Variants in IQGAP3 observed in about 807,000 individuals in gnomAD.
IQGAP3 encodes IQ motif containing GTPase activating protein 3.
IQGAP3 carries 165 observed loss-of-function variants against 208.2 expected under a neutral mutation model. The observed-to-expected ratio is 0.79, with a 90% CI of 0.70 to 0.90. IQGAP3 has a LOEUF of 0.90. IQGAP3 is among the 40% of genes least tolerant of loss of function. The pLI is 0.00. For missense variants in IQGAP3, 1,811 were observed against 2,043.1 expected (o/e 0.89, Z 2.19); for synonymous variants, 703 against 803.6 (o/e 0.87, Z 2.12).
At chr1:156,539,600 AG>A in intron 24 of IQGAP3, 63 bp from the exon 25 acceptor site, 1 of 1,539,208 alleles carries the variant, frequency 6.5e-7, no homozygotes, top group Non-Finnish European at 8.9e-7. Flanking sequence ...TGATAGGATA[AG>A]GAAAGGCTTT....
intron 1 of IQGAP3, among the ~76,000 whole-genome samples, chr1:156,571,493 A>ATGT (rs1272727069): frequency 1.3e-5 from 2 of 152,222 alleles, no homozygotes; most frequent in Non-Finnish European, 2.9e-5. Context: ...CTCCAAATAC[A>ATGT]GATTTGAAAA....
At chr1:156,551,134 C>T (rs1675526034) in intron 15 of IQGAP3, among the ~76,000 whole-genome samples, 1 of 152,194 alleles carries the variant, frequency 6.6e-6, no homozygotes, top group Non-Finnish European at 1.5e-5. Context: ...CATATTATCT[C>T]ACTTACACCC....
Position 156,538,939 on chromosome 1 carries a change from C to T in IQGAP3, c.3151G>A (p.Ala1051Thr). 1 of 1,614,160 alleles carries T rather than the reference C, an allele frequency of 6.2e-7. No homozygotes were observed. Among genetic ancestry groups the T allele is most frequent in the Non-Finnish European group, 8.5e-7 (1 of 1,180,012 alleles). The change falls in exon 26 of 38, where the codon GCC (alanine) becomes ACC (threonine). Residue 1051 changes from alanine (A) to threonine (T), a missense_variant. Ala to Thr is a moderately conservative substitution (Grantham distance 58). Transcript: ENST00000361170. ...RFYRNGRGQSALQEILGKVIQ... is the reference protein window; with the variant it reads ...RFYRNGRGQSTLQEILGKVIQ... ...ACCTTGCCCAGAATCTCCTGCAGGG[C>T]ACTCTGTCCCCGCCCATTACGGTAG...
At chr1:156,536,997 C>T in intron 27 of IQGAP3, 184 bp downstream of exon 27, 5 of 569,278 alleles carry the variant, frequency 8.8e-6, no homozygotes, top group Non-Finnish European at 1.5e-5. Context: ...CGTCTCTCAG[C>T]TCAGCTCTCT....
chr1:156,554,821 C>A (rs546993123), intron 12 of IQGAP3, among the ~76,000 whole-genome samples: 39 of 152,238 alleles, frequency 2.6e-4, no homozygotes, highest in African/African-American at 8.9e-4. Context: ...ACTTTGGAGG[C>A]CAAGGTGGAC....
Position 156,563,070 on chromosome 1 carries a change from G to A in IQGAP3, c.798+64C>T, listed in dbSNP as rs1571360789. On this transcript the variant is annotated intron_variant, in intron 8 of 37. Coordinates refer to ENST00000361170, the MANE Select transcript of IQGAP3 (RefSeq NM_178229.5). ...AGAGACATGACAGATAGGAGTCCCG[G>A]TTTCACTTGAGACTTTCCAGCCACT... 4 of 1,403,274 alleles carry A rather than the reference G, an allele frequency of 2.9e-6. No individual in the cohort carries two copies. The Admixed American group carries it at 9.0e-5, about 32-fold the overall frequency. The allele number at this position is 1,403,274 out of a possible 1,614,324, so 86.9% of individuals were successfully genotyped here. A position where few individuals can be genotyped will look rare whatever the true frequency, so the allele number is the denominator to read the frequency against.
In IQGAP3 at chr1:156,535,183, T is replaced by A. The variant is rs201252352; in HGVS notation, c.3487A>T (p.Thr1163Ser). ...CTTGCCTTATAGACCTCGCTGTCTG[T>A]GGCGTCAGGGAATTTCTCTGCCAGA... Reference protein sequence around the residue: ...ATLAEKFPDATDSEVYKVVGN... With the variant: ...ATLAEKFPDASDSEVYKVVGN... Residue 1163 changes from threonine (T) to serine (S), a missense_variant, in exon 28 of 38, where the codon ACA becomes TCA. By Grantham distance (58) the Thr-to-Ser change is moderately conservative. Coordinates refer to ENST00000361170, the MANE Select transcript of IQGAP3 (RefSeq NM_178229.5). 6.2e-7 allele frequency: 1 copy of A among 1,613,570 alleles called. No individual in the cohort carries two copies. The highest frequency in any genetic ancestry group is 1.3e-5 in the African/African-American group (1 of 75,002).
intron 32 of IQGAP3, among the ~76,000 whole-genome samples, chr1:156,532,763 T>C (rs571788705): frequency 2.0e-5 from 3 of 152,074 alleles, no homozygotes; most frequent in Non-Finnish European, 4.4e-5. Flanking sequence ...CACCATTCCT[T>C]TACTTTCAGT....
At chr1:156,547,075 A>T (rs1286463550) in intron 19 of IQGAP3, among the ~76,000 whole-genome samples, 1 of 152,170 alleles carries the variant, frequency 6.6e-6, no homozygotes, top group African/African-American at 2.4e-5. Context: ...CCTCCAGATC[A>T]CATCTGCCTG....
Position 156,533,853 on chromosome 1 carries a change from C to A in IQGAP3, c.3896G>T (p.Cys1299Phe). The A allele has an allele frequency of 6.2e-7, 1 of 1,611,482 alleles. No individual in the cohort carries two copies. The part of the protein sequence containing the change: ...THRLLLEHQD[C>F]IAPDHQDPLH... The stretch of plus-strand genomic sequence containing the variant: ...GGGGTCTTGGTGATCAGGGGCAATG[C>A]AGTCCTGGTGCTCCAGCAACAGCTG... Residue 1299 changes from cysteine to phenylalanine, a missense_variant, in exon 31 of 38, where the codon TGC becomes TTC. Transcript: ENST00000361170.
In IQGAP3 at chr1:156,551,728, C is replaced by A. The variant is rs776809867; in HGVS notation, c.1711G>T (p.Ala571Ser). 22 of 1,612,150 alleles carry A rather than the reference C, an allele frequency of 1.4e-5. No homozygotes were observed. The Admixed American group carries it at 3.7e-4, about 27-fold the overall frequency. Residue 571 changes from alanine to serine, a missense_variant, in exon 15 of 38, where the codon GCA becomes TCA. By Grantham distance (99) the Ala-to-Ser change is moderately conservative (BLOSUM62 1). Transcript: ENST00000361170. ...ACCTGGGCCTTCTGCCTTTTGGCTG[C>A]CACAAGGAGGAGATGGTACCGAGGG... ...VAPRYHLLLVAAKRQKAQVTG... is the reference protein window; with the variant it reads ...VAPRYHLLLVSAKRQKAQVTG...
chr1:156,546,543 T>C (rs1259822786), intron 19 of IQGAP3, among the ~76,000 whole-genome samples: 1 of 152,218 alleles, frequency 6.6e-6, no homozygotes, highest in Non-Finnish European at 1.5e-5. Context: ...TATTGAGTTC[T>C]GGGACCAATG....
intron 7 of IQGAP3, 38 bp from the exon 8 acceptor site, chr1:156,563,350 G>A (rs778697308): frequency 1.9e-6 from 3 of 1,550,226 alleles, no homozygotes; most frequent in East Asian, 2.3e-5. Context: ...GGAGGCCAGA[G>A]TGAATCCCAG....
rs781201707 is a variant in IQGAP3, at chr1:156,544,238, AC to A, written c.2389-16del. 7 of 1,613,814 alleles carry A rather than the reference AC, an allele frequency of 4.3e-6. No individual in the cohort carries two copies. Among genetic ancestry groups the A allele is most frequent in the Non-Finnish European group, 5.9e-6 (7 of 1,179,890 alleles). ...CAGGCCTGGATCTGGGAGAAGAAAC[AC>A]ACTGCCTCAGCTCCAGCTTGGGGCC... On this transcript the variant is annotated splice_polypyrimidine_tract_variant and intron_variant, in intron 20 of 37. Transcript: ENST00000361170.
At chr1:156,530,459 C>T (rs1166526727) in intron 33 of IQGAP3, 142 bp from the exon 34 acceptor site, 1 of 663,700 alleles carries the variant, frequency 1.5e-6, no homozygotes, top group African/African-American at 1.8e-5. Context: ...CAGAGCCCAG[C>T]CTCTGCAGGA....
rs767378325 is a variant in IQGAP3, at chr1:156,566,443, G to A, written c.229C>T (p.Pro77Ser). The change falls in exon 3 of 38, where the codon CCC becomes TCC. Residue 77 changes from proline (P) to serine (S), a missense_variant. Pro to Ser is a moderately conservative substitution (Grantham distance 74). Transcript: ENST00000361170. ...ATCTTCTTCAAGGGAACCACGGAGG[G>A]TGCAAAACAGTGGCCTAGCTTGGCC... ...LLAKLGHCFAPSVVPLKKIYD... is the reference protein window; with the variant it reads ...LLAKLGHCFASSVVPLKKIYD... 8 of 1,614,098 alleles carry A rather than the reference G, an allele frequency of 5.0e-6. No homozygotes were observed. The Admixed American group carries it at 1.3e-4, about 27-fold the overall frequency.
At chr1:156,550,831 C>T (rs540342267) in intron 15 of IQGAP3, among the ~76,000 whole-genome samples, 23 of 152,162 alleles carry the variant, frequency 1.5e-4, no homozygotes, top group Non-Finnish European at 2.6e-4. Context: ...ACTCCTCTAC[C>T]CGACAAGGTA....
At chr1:156,539,338 A>G (rs1293478943) in intron 25 of IQGAP3, 36 bp downstream of exon 25, 1 of 1,600,016 alleles carries the variant, frequency 6.2e-7, no homozygotes, top group African/African-American at 1.3e-5. Flanking sequence ...CTCTTAACCC[A>G]TTCTCTCCCC....
rs1462827689 is a variant in IQGAP3 at position 156,566,394 on chromosome 1, T to C, written c.278A>G (p.Tyr93Cys). The part of the protein sequence containing the change: ...KKIYDVEQLR[Y>C]QATGLHFRHT... ...GGTGGGGTCCAATCCTCCCACCTGG[T>C]ACCGCAGCTGCTCCACATCGTAGAT... Residue 93 changes from tyrosine (Y) to cysteine (C), a missense_variant, in exon 3 of 38, where the codon TAC becomes TGC. By Grantham distance (194) the Tyr-to-Cys change is radical. Coordinates refer to ENST00000361170, the MANE Select transcript of IQGAP3 (RefSeq NM_178229.5). 1.9e-6 allele frequency: 3 copies of C among 1,613,910 alleles called. No homozygotes were observed. Among genetic ancestry groups the C allele is most frequent in the African/African-American group, 2.7e-5 (2 of 74,910 alleles).
Sources: allele counts gnomAD v4.1 joint callset (sites outside exome capture counted in the v4.1 genomes callset), GRCh38; gene constraint gnomAD v4.1.1; transcripts MANE v1.5; gene names NCBI Gene and HGNC (gene_info 2026-07-23, HGNC 2026-07-21).